Variants in KSR1 observed in about 807,000 individuals in gnomAD.
The protein encoded by KSR1 is kinase suppressor of ras 1.
Under a neutral mutation model 92.9 loss-of-function variants are expected in KSR1, and 35 were observed. The ratio of observed to expected loss-of-function variants is 0.38; its 90% CI spans 0.29 to 0.50. The LOEUF is 0.50. KSR1 is among the 20% of genes least tolerant of loss of function. The probability of loss-of-function intolerance (pLI) is 0.94; values close to 1 mark genes in which losing one functional copy is unlikely to be tolerated. For synonymous variants in KSR1, 467 were observed against 472.6 expected, an observed-to-expected ratio of 0.99 and a Z score of 0.15; for missense variants, 972 against 1,158.5, an observed-to-expected ratio of 0.84 and a Z score of 2.34.
At chr17:27,506,103 CCTCT>C (rs1364164069) in intron 1 of KSR1, among the ~76,000 whole-genome samples, 1 of 152,206 alleles carries the variant, frequency 6.6e-6, no homozygotes, top group African/African-American at 2.4e-5. Flanking sequence ...TTCTATGCTC[CCTCT>C]TTGTCCTTGT....
rs1349134604 is a variant in KSR1 at position 27,605,754 on chromosome 17, G to A, written c.1935G>A (p.Glu645=). The change falls in exon 14 of 21, where the codon GAG becomes GAA. Residue 645 remains glutamate (E), a synonymous_variant. Transcript: ENST00000644974. The part of the protein sequence containing the change: ...EVMNYRQTRH[E]NVVLFMGACM... Reference sequence around the variant, plus strand: ...TGAACTACCGGCAGACGCGGCATGAGAACGTGGTGCTCTTCATGGGGGCCT... The same window carrying A: ...TGAACTACCGGCAGACGCGGCATGAAAACGTGGTGCTCTTCATGGGGGCCT... 1 of 1,612,794 alleles carries A rather than the reference G, an allele frequency of 6.2e-7. No homozygotes were observed. The highest frequency in any genetic ancestry group is 1.1e-5 in the South Asian group (1 of 91,030).
chr17:27,558,268 C>CTTTTTTTTT (rs35172937), intron 2 of KSR1: 3 of 142,054 alleles, frequency 2.1e-5, no homozygotes, highest in Non-Finnish European at 3.1e-5. Context: ...CCTTCTCTCT[C>CTTTTTTTTT]TTTTTTTTTT....
intron 2 of KSR1, chr17:27,566,432 G>T (rs2072071750): frequency 2.5e-6 from 1 of 399,304 alleles, no homozygotes; most frequent in South Asian, 1.3e-4. Context: ...GGCTGCCGGG[G>T]ACCCTGGGCT....
chr17:27,556,782 A>C (rs1303835173), intron 2 of KSR1, among the ~76,000 whole-genome samples: 1 of 152,152 alleles, frequency 6.6e-6, no homozygotes, highest in Non-Finnish European at 1.5e-5. Context: ...AGCCTGCCCT[A>C]GTCCTGCCTC....
At chr17:27,491,731 A>G (rs1165955990) in intron 1 of KSR1, among the ~76,000 whole-genome samples, 1 of 152,138 alleles carries the variant, frequency 6.6e-6, no homozygotes, top group African/African-American at 2.4e-5. Context: ...ATGACTCACA[A>G]GGGGGCGGTG....
At chr17:27,539,418 T>G (rs2070875749) in intron 1 of KSR1, among the ~76,000 whole-genome samples, 1 of 152,250 alleles carries the variant, frequency 6.6e-6, no homozygotes, top group African/African-American at 2.4e-5. Context: ...GCAGGGCTGC[T>G]GTGTCATGGA....
chr17:27,471,018 G>A (rs531778451), intron 1 of KSR1, among the ~76,000 whole-genome samples: 9 of 152,042 alleles, frequency 5.9e-5, no homozygotes, highest in South Asian at 2.1e-4. Context: ...GCACAGGCAC[G>A]CACACTACAC....
At chr17:27,611,239 A>G in intron 17 of KSR1, 1 of 480,062 alleles carries the variant, frequency 2.1e-6, no homozygotes. Flanking sequence ...ATTTGTGCTG[A>G]GGTCAGAATG....
intron 1 of KSR1, among the ~76,000 whole-genome samples, chr17:27,466,218 T>G (rs1236716541): frequency 2.6e-5 from 4 of 152,166 alleles, no homozygotes; most frequent in Non-Finnish European, 4.4e-5. Context: ...TACAACCAAG[T>G]GTTGTGTTTA....
intron 1 of KSR1, among the ~76,000 whole-genome samples, chr17:27,545,804 G>C (rs1315718679): frequency 1.3e-5 from 2 of 152,236 alleles, no homozygotes; most frequent in African/African-American, 2.4e-5. Context: ...CCTCAAAGCT[G>C]AAAAGGGCAG....
chr17:27,621,882 C>T (rs1397197841), intron 20 of KSR1: 91 of 1,609,256 alleles, frequency 5.7e-5, no homozygotes, highest in Non-Finnish European at 7.7e-5. Context: ...TGCATTGGGG[C>T]TATGATTCTG....
At position 27,575,704 on chromosome 17, in the gene KSR1, A is replaced by G. The variant is rs1381967087; in HGVS notation, c.373-1788A>G. Among the ~76,000 whole-genome samples, 5 of 152,234 alleles carry G rather than the reference A, an allele frequency of 3.3e-5. No individual in the cohort carries two copies. The East Asian group carries it at 7.7e-4, about 23-fold the overall frequency. On this transcript the variant is annotated intron_variant, in intron 2 of 20. Coordinates refer to ENST00000644974, the MANE Select transcript of KSR1 (RefSeq NM_001394583.1). ...CAGTGTCATGTGGCTCAAAGTAGTC[A>G]GAGCTGGAGAGGTTTCCTCCCTCCC...
chr17:27,583,130 C>G, intron 4 of KSR1, 25 bp downstream of exon 4: 1 of 1,434,930 alleles, frequency 7.0e-7, no homozygotes, highest in Non-Finnish European at 9.3e-7. Flanking sequence ...TGGGCAGCTA[C>G]CAAAAGTGCC....
intron 1 of KSR1, among the ~76,000 whole-genome samples, chr17:27,469,115 C>T (rs557011948): frequency 8.5e-5 from 13 of 152,246 alleles, no homozygotes; most frequent in Admixed American, 2.6e-4. Flanking sequence ...CCGGGCAAAC[C>T]CTCATTTCTG....
chr17:27,622,282 C>T (rs1324100070), intron 20 of KSR1: 3 of 363,794 alleles, frequency 8.2e-6, no homozygotes, highest in East Asian at 1.4e-4. Flanking sequence ...GTGGCTCTGT[C>T]TCACTGCTAA....
intron 1 of KSR1, among the ~76,000 whole-genome samples, chr17:27,534,419 A>T (rs1377675956): frequency 1.3e-5 from 2 of 152,222 alleles, no homozygotes; most frequent in Non-Finnish European, 2.9e-5. Flanking sequence ...AATGAGTGTT[A>T]ATCTATTATA....
chr17:27,567,430 T>A (rs9916664), intron 2 of KSR1, among the ~76,000 whole-genome samples: 6 of 152,042 alleles, frequency 3.9e-5, no homozygotes, highest in Admixed American at 6.5e-5. Flanking sequence ...GTCTCTTTTT[T>A]AAAAAAAGTT....
chr17:27,476,453 C>T (rs1000001193), intron 1 of KSR1, among the ~76,000 whole-genome samples: 4 of 152,104 alleles, frequency 2.6e-5, no homozygotes, highest in Non-Finnish European at 4.4e-5. Flanking sequence ...GGGGCGCTGC[C>T]GGTGAGCTGT....
chr17:27,499,663 C>CT lies in KSR1; in HGVS notation c.231+42790dup, dbSNP rs776082496. 3.3e-5 allele frequency among the ~76,000 whole-genome samples: 5 copies of CT among 152,338 alleles called. No individual in the cohort carries two copies. The South Asian group carries it at 1.0e-3, about 32-fold the overall frequency. ...GGCAGACAGCCGGCCCTTGGCAGAG[C>CT]TATTGGCAAGGCACTCATGATGTCA... On this transcript the variant is annotated intron_variant, in intron 1 of 20. Transcript: ENST00000644974.
Sources: gnomAD v4.1 joint callset for allele counts (sites outside exome capture counted in the v4.1 genomes callset) on GRCh38, gnomAD v4.1.1 for gene constraint, MANE v1.5 for transcripts, NCBI Gene and HGNC (gene_info 2026-07-23, HGNC 2026-07-21) for gene names.